VAPA: variants seen among roughly 807,000 people sequenced by gnomAD.
The protein encoded by VAPA is VAMP associated protein A, also known as vesicle-associated membrane protein-associated protein A.
A neutral mutation model predicts 25.6 loss-of-function variants in VAPA; 6 were observed. The observed-to-expected ratio is 0.23, with a 90% CI of 0.13 to 0.46. The LOEUF is 0.46. VAPA is among the 20% of genes least tolerant of loss of function. The probability of loss-of-function intolerance (pLI) is 0.99; values close to 1 mark genes in which losing one functional copy is unlikely to be tolerated. For synonymous variants in VAPA, 112 were observed against 106.2 expected (o/e 1.05, Z -0.34); for missense variants, 244 against 302.1 (o/e 0.81, Z 1.43).
At chr18:9,936,907 T>G in intron 3 of VAPA, 79 bp from the exon 4 acceptor site, 5 of 1,267,108 alleles carry the variant, frequency 3.9e-6, no homozygotes, top group Non-Finnish European at 5.7e-6. Flanking sequence ...TCACTCATCT[T>G]TTAGCTGTCC....
chr18:9,918,898 T>G (rs2069134557), intron 1 of VAPA, among the ~76,000 whole-genome samples: 1 of 152,168 alleles, frequency 6.6e-6, no homozygotes, highest in African/African-American at 2.4e-5. Flanking sequence ...CTTCCCATAT[T>G]TTTTATTTTT....
intron 4 of VAPA, among the ~76,000 whole-genome samples, chr18:9,940,665 G>A (rs1475433731): frequency 6.6e-6 from 1 of 152,108 alleles, no homozygotes; most frequent in East Asian, 1.9e-4. Context: ...AAGAATGGGC[G>A]GGTACTTCTA....
intron 1 of VAPA, among the ~76,000 whole-genome samples, chr18:9,928,314 T>C (rs761623923): frequency 1.5e-4 from 23 of 152,162 alleles, no homozygotes; most frequent in Non-Finnish European, 3.2e-4. Context: ...TTATTGTTTT[T>C]CGTAAATAAA....
rs373444760 is a variant in VAPA, at chr18:9,954,106, C to T, written c.645C>T (p.Thr215=). The change falls in exon 6 of 6, where the codon ACC becomes ACT. Residue 215 remains threonine, a synonymous_variant. Coordinates refer to ENST00000400000, the MANE Select transcript of VAPA (RefSeq NM_194434.3). ...KVAHSDKPGS[T]STASFRDNVT... Reference sequence around the variant, plus strand: ...CACATTCGGATAAACCTGGATCAACCTCAACTGCATCCTTCAGAGATAATG... The same window carrying T: ...CACATTCGGATAAACCTGGATCAACTTCAACTGCATCCTTCAGAGATAATG... The T allele has an allele frequency of 2.9e-5, 46 of 1,613,980 alleles. No individual in the cohort carries two copies. In the African/African-American group the frequency reaches 3.2e-4, roughly 11 times the overall value.
At chr18:9,929,271 G>A (rs1354259394) in intron 1 of VAPA, among the ~76,000 whole-genome samples, 1 of 152,160 alleles carries the variant, frequency 6.6e-6, no homozygotes, top group African/African-American at 2.4e-5. Context: ...GGTCTGCATT[G>A]CAGAATGTCT....
intron 1 of VAPA, 129 bp from the exon 2 acceptor site, chr18:9,931,681 T>C: frequency 1.5e-6 from 1 of 685,942 alleles, no homozygotes; most frequent in Non-Finnish European, 2.3e-6. Context: ...TTAGTAGCCA[T>C]TTGGGATATT....
chr18:9,931,011 T>G (rs1302362854), intron 1 of VAPA, among the ~76,000 whole-genome samples: 2 of 152,162 alleles, frequency 1.3e-5, no homozygotes, highest in Non-Finnish European at 2.9e-5. Flanking sequence ...GATTCCAGCC[T>G]TCTAGCTTTT....
rs753277910 is a variant in VAPA at position 9,931,901 on chromosome 18, C to T, written c.171C>T (p.Arg57=). 7.4e-6 allele frequency: 12 copies of T among 1,611,530 alleles called. No homozygotes were observed. The South Asian group carries it at 1.3e-4, about 18-fold the overall frequency. ...TCAAAGTGAAGACTACAGCACCTCG[C>T]CGGTACTGTGTGAGGCCCAACAGTG... is the stretch of plus-strand genomic sequence containing the variant. ...VCFKVKTTAP[R]RYCVRPNSGI... The change falls in exon 2 of 6, where the codon CGC becomes CGT. Residue 57 remains arginine, a synonymous_variant. Transcript: ENST00000400000.
At chr18:9,946,160 A>G (rs560100323) in intron 4 of VAPA, among the ~76,000 whole-genome samples, 17 of 152,342 alleles carry the variant, frequency 1.1e-4, no homozygotes, top group African/African-American at 4.1e-4. Context: ...TTAAAAAAGA[A>G]TACAGAAGTA....
At chr18:9,941,806 T>C (rs2069368755) in intron 4 of VAPA, among the ~76,000 whole-genome samples, 1 of 152,218 alleles carries the variant, frequency 6.6e-6, no homozygotes, top group East Asian at 1.9e-4. Context: ...AATCCTGACT[T>C]ACACAGTTGC....
chr18:9,930,012 T>C (rs1051204709), intron 1 of VAPA, among the ~76,000 whole-genome samples: 4 of 152,184 alleles, frequency 2.6e-5, no homozygotes, highest in African/African-American at 9.6e-5. Context: ...ATGTAAATAC[T>C]ATTTCAGAAT....
Position 9,927,582 on chromosome 18 carries a change from A to G in VAPA, c.80-4228A>G, listed in dbSNP as rs530168827. Among the ~76,000 whole-genome samples the G allele has an allele frequency of 5.3e-5, 8 of 151,994 alleles. No individual in the cohort carries two copies. The East Asian group carries it at 1.2e-3, about 22-fold the overall frequency. ...ATTTAAAAGGAAGTCATTGTTCTGA[A>G]TGGTTGAATTTTACACATATGGACT... On this transcript the variant is annotated intron_variant, in intron 1 of 5. Transcript: ENST00000400000.
chr18:9,932,465 C>T (rs543298362), intron 2 of VAPA, among the ~76,000 whole-genome samples: 80 of 152,244 alleles, frequency 5.3e-4, no homozygotes, highest in African/African-American at 1.9e-3. Context: ...TATTTTACTA[C>T]TCTCTTATGT....
intron 1 of VAPA, among the ~76,000 whole-genome samples, chr18:9,930,966 A>G (rs202196200): frequency 6.6e-6 from 1 of 152,170 alleles, no homozygotes; most frequent in African/African-American, 2.4e-5. Context: ...TAAGATTGAA[A>G]TAAAGAAAAG....
intron 4 of VAPA, among the ~76,000 whole-genome samples, chr18:9,943,981 C>T (rs1412439207): frequency 1.3e-5 from 2 of 150,360 alleles, no homozygotes; most frequent in Non-Finnish European, 3.0e-5. Flanking sequence ...CTGCCTCAGC[C>T]TCTCCGAGTA....
chr18:9,928,465 A>G (rs576251400), intron 1 of VAPA, among the ~76,000 whole-genome samples: 2 of 152,194 alleles, frequency 1.3e-5, no homozygotes, highest in South Asian at 4.1e-4. Context: ...ATTAACCATT[A>G]TCCTGACTTT....
intron 1 of VAPA, among the ~76,000 whole-genome samples, chr18:9,921,479 A>G (rs1201992816): frequency 6.6e-6 from 1 of 152,246 alleles, no homozygotes; most frequent in Admixed American, 6.5e-5. Flanking sequence ...AGGGAAAACT[A>G]TACTTTTAAT....
At chr18:9,921,069 A>T (rs1249755566) in intron 1 of VAPA, among the ~76,000 whole-genome samples, 4 of 152,258 alleles carry the variant, frequency 2.6e-5, no homozygotes, top group Non-Finnish European at 4.4e-5. Flanking sequence ...AACTCTGAGT[A>T]TATACCTGTT....
At chr18:9,946,228 G>C (rs1049991303) in intron 4 of VAPA, among the ~76,000 whole-genome samples, 3 of 152,320 alleles carry the variant, frequency 2.0e-5, no homozygotes, top group African/African-American at 7.2e-5. Context: ...GTTAGGTGAT[G>C]TGTTGTATAA....
Sources: allele counts gnomAD v4.1 joint callset (sites outside exome capture counted in the v4.1 genomes callset), GRCh38; gene constraint gnomAD v4.1.1; transcripts MANE v1.5; gene names NCBI Gene and HGNC (gene_info 2026-07-23, HGNC 2026-07-21).